The following ATP6V0D2 variants were observed in gnomAD, a reference collection of about 807,000 sequenced individuals.
ATP6V0D2 encodes V-type proton ATPase subunit d 2.
A neutral mutation model predicts 40.0 loss-of-function variants in ATP6V0D2; 40 were observed. The observed-to-expected ratio is 1.00, with a 90% CI of 0.78 to 1.30. The LOEUF (loss-of-function observed/expected upper bound fraction) is 1.30, where lower values mean the gene tolerates loss of function less well. Ranked by LOEUF, ATP6V0D2 falls within the 50% of genes most tolerant of loss-of-function variation. The pLI is 0.00. For missense variants in ATP6V0D2, 470 were observed against 423.1 expected, an observed-to-expected ratio of 1.11 and a Z score of -0.97; for synonymous variants, 179 against 156.3, an observed-to-expected ratio of 1.15 and a Z score of -1.08.
intron 3 of ATP6V0D2, 40 bp from the exon 4 acceptor site, chr8:86,141,410 C>G: frequency 1.3e-6 from 2 of 1,489,136 alleles, no homozygotes; most frequent in Middle Eastern, 3.5e-4. Flanking sequence ...TATAATCTTG[C>G]TTAAGATTCA....
chr8:86,141,754 T>C (rs147435190), intron 4 of ATP6V0D2, among the ~76,000 whole-genome samples: 2 of 152,366 alleles, frequency 1.3e-5, no homozygotes, highest in African/African-American at 4.8e-5. Context: ...TGCCCTATTC[T>C]TCCATATTCC....
At chr8:86,104,151 A>G (rs1410044805) in intron 1 of ATP6V0D2, among the ~76,000 whole-genome samples, 2 of 152,176 alleles carry the variant, frequency 1.3e-5, no homozygotes, top group African/African-American at 4.8e-5. Flanking sequence ...AGTTTGGAAT[A>G]GCAAAAGATG....
At chr8:86,124,174 A>G (rs906762830) in intron 2 of ATP6V0D2, among the ~76,000 whole-genome samples, 1 of 152,178 alleles carries the variant, frequency 6.6e-6, no homozygotes, top group South Asian at 2.1e-4. Flanking sequence ...GTCAAAGGGG[A>G]GCAAGTGCAG....
chr8:86,142,934 G>T lies in ATP6V0D2; in HGVS notation c.619G>T (p.Val207Phe), dbSNP rs1278331221. Residue 207 changes from valine (V) to phenylalanine (F), a missense_variant, in exon 5 of 8, where the codon GTT (valine) becomes TTT (phenylalanine). By Grantham distance (50) the Val-to-Phe change is conservative (BLOSUM62 -1). Transcript: ENST00000285393. ...CKNHGDVTAE[V>F]MCPILEFEAD... Reference sequence around the variant, plus strand: ...GAATCATGGTGATGTCACAGCAGAAGTTATGTGTCCCATTCTTGAGGTAAG... The same window carrying T: ...GAATCATGGTGATGTCACAGCAGAATTTATGTGTCCCATTCTTGAGGTAAG... The T allele has an allele frequency of 6.2e-7, 1 of 1,610,178 alleles. No homozygotes were observed. The highest frequency in any genetic ancestry group is 8.5e-7 in the Non-Finnish European group (1 of 1,177,666).
chr8:86,107,093 A>G (rs11988449), intron 1 of ATP6V0D2, among the ~76,000 whole-genome samples: 69,496 of 151,680 alleles, frequency 0.46, 16,126 homozygotes, highest in East Asian at 0.5. Flanking sequence ...GGATGTCACA[A>G]ATAAGTAAAA....
intron 1 of ATP6V0D2, among the ~76,000 whole-genome samples, chr8:86,104,383 A>G (rs1482800066): frequency 6.6e-6 from 1 of 152,184 alleles, no homozygotes; most frequent in African/African-American, 2.4e-5. Flanking sequence ...ATAATGGAAT[A>G]TTCTGCATTT....
chr8:86,140,335 A>T (rs1234438122), intron 3 of ATP6V0D2, among the ~76,000 whole-genome samples: 2 of 152,160 alleles, frequency 1.3e-5, no homozygotes, highest in African/African-American at 4.8e-5. Flanking sequence ...AAAGCAAAAA[A>T]AAAATATTTG....
chr8:86,144,126 T>C (rs1053343299), intron 5 of ATP6V0D2, among the ~76,000 whole-genome samples: 2 of 152,190 alleles, frequency 1.3e-5, no homozygotes, highest in African/African-American at 4.8e-5. Flanking sequence ...ACTTAATTCC[T>C]CTTAAGGACC....
At position 86,152,858 on chromosome 8, in the gene ATP6V0D2, G is replaced by T; in HGVS notation, c.934G>T (p.Gly312Cys). Residue 312 changes from glycine to cysteine, a missense_variant, in exon 8 of 8, where the codon GGT becomes TGT. Physicochemically the swap from Gly to Cys is radical, Grantham distance 159. Transcript: ENST00000285393. ...GGCATTCAACAGACAGTTCCACTAC[G>T]GTGTGTTTTATGCATATGTAAAGCT... ...VLAFNRQFHY[G>C]VFYAYVKLKE... 1 of 1,610,720 alleles carries T rather than the reference G, an allele frequency of 6.2e-7. No individual in the cohort carries two copies. The highest frequency in any genetic ancestry group is 1.1e-5 in the South Asian group (1 of 90,138).
At chr8:86,119,334 T>C (rs1452256649) in intron 2 of ATP6V0D2, among the ~76,000 whole-genome samples, 1 of 149,856 alleles carries the variant, frequency 6.7e-6, no homozygotes, top group Non-Finnish European at 1.5e-5. Context: ...GTTCAAGTAA[T>C]TCTCCTGCTT....
intron 1 of ATP6V0D2, among the ~76,000 whole-genome samples, chr8:86,112,036 T>C (rs889049195): frequency 6.6e-6 from 1 of 152,148 alleles, no homozygotes; most frequent in Non-Finnish European, 1.5e-5. Flanking sequence ...AATGTTTGAG[T>C]GGAAGATCCA....
At position 86,145,370 on chromosome 8, in the gene ATP6V0D2, G is replaced by GAAAAGAA. The variant is rs33955030; in HGVS notation, c.639+2418_639+2419insAAGAAAA. 1.2e-3 allele frequency among the ~76,000 whole-genome samples: 86 copies of GAAAAGAA among 70,686 alleles called. 1 individual carries two copies. Among genetic ancestry groups the GAAAAGAA allele is most frequent in the African/African-American group, 5.9e-3 (73 of 12,452 alleles). 46.4% of individuals were successfully genotyped at this position (70,686 alleles called of 152,430 possible). A position where few individuals can be genotyped will look rare whatever the true frequency, so the allele number is the denominator to read the frequency against. On this transcript the variant is annotated intron_variant, in intron 5 of 7. Transcript: ENST00000285393. ...GGAAAGAAGGAAGGAAGGAAGGAAG[G>GAAAAGAA]AAGGAAAGAAAAGAAAAGAAAAGAA...
At chr8:86,145,132 C>A (rs1819029772) in intron 5 of ATP6V0D2, among the ~76,000 whole-genome samples, 1 of 149,128 alleles carries the variant, frequency 6.7e-6, no homozygotes, top group East Asian at 2.0e-4. Flanking sequence ...CGTGCCACTG[C>A]TCTCCAGCTG....
At chr8:86,121,763 A>C in intron 2 of ATP6V0D2, among the ~76,000 whole-genome samples, 1 of 152,208 alleles carries the variant, frequency 6.6e-6, no homozygotes, top group Non-Finnish European at 1.5e-5. Context: ...GGGTCTCTCT[A>C]GCACCCATGA....
At chr8:86,116,230 T>A (rs747786283) in intron 2 of ATP6V0D2, among the ~76,000 whole-genome samples, 2 of 152,202 alleles carry the variant, frequency 1.3e-5, no homozygotes, top group Non-Finnish European at 2.9e-5. Flanking sequence ...TATGTGTTAT[T>A]CCAGAAAAAT....
intron 5 of ATP6V0D2, among the ~76,000 whole-genome samples, chr8:86,148,744 A>G (rs929674086): frequency 3.9e-5 from 6 of 152,080 alleles, no homozygotes; most frequent in African/African-American, 1.4e-4. Context: ...GTAAATACTT[A>G]AGACTTTCTT....
intron 2 of ATP6V0D2, among the ~76,000 whole-genome samples, chr8:86,124,796 G>T (rs898775231): frequency 6.6e-6 from 1 of 152,054 alleles, no homozygotes; most frequent in African/African-American, 2.4e-5. Flanking sequence ...CAGCAGCAGA[G>T]AATTAAACCA....
At chr8:86,123,472 G>A (rs889620987) in intron 2 of ATP6V0D2, among the ~76,000 whole-genome samples, 6 of 152,182 alleles carry the variant, frequency 3.9e-5, no homozygotes, top group African/African-American at 1.4e-4. Context: ...AAGATGCATG[G>A]AGGGGATGGA....
chr8:86,127,614 C>T (rs1047386381), intron 2 of ATP6V0D2, among the ~76,000 whole-genome samples: 1 of 151,974 alleles, frequency 6.6e-6, no homozygotes, highest in African/African-American at 2.4e-5. Context: ...TGTAGAGAGG[C>T]ACCTTTGCCA....
Sources: allele counts gnomAD v4.1 joint callset (sites outside exome capture counted in the v4.1 genomes callset), GRCh38; gene constraint gnomAD v4.1.1; transcripts MANE v1.5; gene names NCBI Gene and HGNC (gene_info 2026-07-23, HGNC 2026-07-21).